ATOH8: variants seen among roughly 807,000 people sequenced by gnomAD.
ATOH8 encodes the protein transcription factor ATOH8.
In ATOH8, 9 loss-of-function variants were observed where a neutral mutation model predicts 21.2. The ratio of observed to expected loss-of-function variants is 0.42; its 90% CI spans 0.26 to 0.74. ATOH8 has a LOEUF of 0.74. Ranked by LOEUF, ATOH8 falls within the 30% of genes least tolerant of loss-of-function variation. The pLI, the probability that ATOH8 is intolerant of heterozygous loss-of-function variation, is 0.24. For synonymous variants in ATOH8, 253 were observed against 224.0 expected, an observed-to-expected ratio of 1.13 and a Z score of -1.16; for missense variants, 524 against 470.9, an observed-to-expected ratio of 1.11 and a Z score of -1.04.
At chr2:85,777,281 G>A (rs1680354916) in intron 2 of ATOH8, among the ~76,000 whole-genome samples, 2 of 152,138 alleles carry the variant, frequency 1.3e-5, no homozygotes, top group African/African-American at 2.4e-5. Context: ...CAGTTCTTAC[G>A]AGCTTGACTC....
Position 85,775,096 on chromosome 2 carries a change from A to G in ATOH8, c.960+10914A>G, listed in dbSNP as rs146589887. The G allele has an allele frequency of 6.0e-5, 57 of 942,936 alleles. No individual in the cohort carries two copies. The East Asian group carries it at 4.1e-3, about 67-fold the overall frequency. 58.4% of individuals were successfully genotyped at this position (942,936 alleles called of 1,614,324 possible). On this transcript the variant is annotated intron_variant, in intron 2 of 2. Coordinates refer to ENST00000306279, the MANE Select transcript of ATOH8 (RefSeq NM_032827.7). ...GATATATTAGATTTCATGTCATTAC[A>G]TTGTATTATATTATATTTTTAGGTG...
intron 2 of ATOH8, 51 bp downstream of exon 2, chr2:85,764,233 G>C: frequency 6.2e-7 from 1 of 1,602,276 alleles, no homozygotes; most frequent in Non-Finnish European, 8.5e-7. Flanking sequence ...AGGGGAGGCA[G>C]GGACAGGAAC....
At chr2:85,786,144 C>T (rs549699624) in intron 2 of ATOH8, among the ~76,000 whole-genome samples, 180 of 152,200 alleles carry the variant, frequency 1.2e-3, no homozygotes, top group Non-Finnish European at 2.0e-3. Flanking sequence ...CAGCAATTTT[C>T]GAACTGTGCT....
chr2:85,754,636 T>C lies in ATOH8; in HGVS notation c.447T>C (p.Gly149=). 6.6e-7 allele frequency: 1 copy of C among 1,510,472 alleles called. No individual in the cohort carries two copies. 93.6% of individuals were successfully genotyped at this position (1,510,472 alleles called of 1,614,324 possible). A position where few individuals can be genotyped will look rare whatever the true frequency, so the allele number is the denominator to read the frequency against. ...GPEAQPFREP[G]LRPRILLCAP... ...AGGCACAGCCTTTCCGGGAGCCGGG[T>C]CTGCGTCCTCGCATCTTGCTGTGCG... The change falls in exon 1 of 3, where the codon GGT becomes GGC. Residue 149 remains glycine, a synonymous_variant. Transcript: ENST00000306279.
intron 2 of ATOH8, among the ~76,000 whole-genome samples, chr2:85,767,483 C>T (rs555707344): frequency 3.3e-5 from 5 of 151,292 alleles, no homozygotes; most frequent in African/African-American, 4.9e-5. Context: ...TGTCTACCCC[C>T]GCTCAACAGG....
chr2:85,771,206 AAGTGCAG>A (rs751088231), intron 2 of ATOH8, among the ~76,000 whole-genome samples: 15 of 152,138 alleles, frequency 9.9e-5, no homozygotes, highest in Admixed American at 4.6e-4. Context: ...GAAGTAGGCA[AAGTGCAG>A]AGTTCTGGGG....
chr2:85,760,666 G>A (rs1269021628), intron 1 of ATOH8: 3 of 152,222 alleles, frequency 2.0e-5, no homozygotes, highest in African/African-American at 4.8e-5. Context: ...CTTAAAAGAT[G>A]AATACAGACA....
chr2:85,772,025 A>G (rs542896483), intron 2 of ATOH8, among the ~76,000 whole-genome samples: 2 of 152,384 alleles, frequency 1.3e-5, no homozygotes, highest in African/African-American at 4.8e-5. Context: ...TGCCCAGCAC[A>G]GTGGCCTGTG....
intron 1 of ATOH8, 116 bp downstream of exon 1, chr2:85,755,073 C>A: frequency 7.3e-7 from 1 of 1,363,290 alleles, no homozygotes; most frequent in South Asian, 1.5e-5. Flanking sequence ...CCCGCCCGGT[C>A]CGACCCTGGT....
Position 85,785,552 on chromosome 2 carries a change from C to T in ATOH8, c.961-1333C>T, listed in dbSNP as rs541520631. ...AGACTTGCGTCTTGGCTGGCTGCCC[C>T]GGCCCACGGGGCTCACCAGGGCCTG... On this transcript the variant is annotated intron_variant, in intron 2 of 2. Transcript: ENST00000306279. This position sits in a 1 kb window ranked among gnomAD's most constrained non-coding sequence, Gnocchi z 4.1. Among the ~76,000 whole-genome samples the T allele has an allele frequency of 6.6e-5, 10 of 152,262 alleles. No homozygotes were observed. The highest frequency in any genetic ancestry group is 1.2e-4 in the Non-Finnish European group (8 of 68,046).
intron 2 of ATOH8, among the ~76,000 whole-genome samples, chr2:85,770,067 G>A (rs1411189771): frequency 2.0e-5 from 3 of 152,208 alleles, no homozygotes; most frequent in Admixed American, 6.5e-5. Context: ...TGGGACCTCA[G>A]GGCGGTTTGC....
In ATOH8 at chr2:85,754,557, C is replaced by T. The variant is rs1417977454; in HGVS notation, c.368C>T (p.Thr123Met). ...ALGAVGPGLP[T>M]PPPPPPPAPQ... ...GGCGCAGTGGGGCCAGGACTCCCCACGCCGCCGCCGCCGCCGCCTCCTGCG... is the reference window on the plus strand; with the variant it reads ...GGCGCAGTGGGGCCAGGACTCCCCATGCCGCCGCCGCCGCCGCCTCCTGCG... Residue 123 changes from threonine (T) to methionine (M), a missense_variant, in exon 1 of 3, where the codon ACG becomes ATG. By Grantham distance (81) the Thr-to-Met change is moderately conservative (BLOSUM62 -1). Coordinates refer to ENST00000306279, the MANE Select transcript of ATOH8 (RefSeq NM_032827.7). 1.5e-5 allele frequency: 21 copies of T among 1,418,358 alleles called. No homozygotes were observed. Among genetic ancestry groups the T allele is most frequent in the Non-Finnish European group, 1.9e-5 (21 of 1,101,482 alleles). 87.9% of individuals were successfully genotyped at this position (1,418,358 alleles called of 1,614,324 possible).
Position 85,788,779 on chromosome 2 carries a change from C to T in ATOH8, c.*1889C>T, listed in dbSNP as rs1680691469. 6.6e-6 allele frequency among the ~76,000 whole-genome samples: 1 copy of T among 152,176 alleles called. No individual in the cohort carries two copies. The highest frequency in any genetic ancestry group is 2.4e-5 in the African/African-American group (1 of 41,438). ...GGGCTGGGGCTGGCTGCAGGGAGCC[C>T]CCCTTGCAGTAGCGTTTCTCAGGCT... is the stretch of plus-strand genomic sequence containing the variant. On this transcript the variant is annotated 3_prime_UTR_variant, in exon 3 of 3. Coordinates refer to ENST00000306279, the MANE Select transcript of ATOH8 (RefSeq NM_032827.7).
At chr2:85,786,767 C>A in intron 2 of ATOH8, 118 bp from the exon 3 acceptor site, 1 of 1,378,312 alleles carries the variant, frequency 7.3e-7, no homozygotes, top group South Asian at 1.2e-5. Flanking sequence ...CTTATCGAAC[C>A]CTTCAAGGTG....
At chr2:85,758,042 C>T (rs1223362220) in intron 1 of ATOH8, among the ~76,000 whole-genome samples, 1 of 152,180 alleles carries the variant, frequency 6.6e-6, no homozygotes, top group Non-Finnish European at 1.5e-5. Flanking sequence ...CCACCTCTGT[C>T]TCCCAAAGTG....
intron 2 of ATOH8, among the ~76,000 whole-genome samples, chr2:85,777,352 A>G (rs903438885): frequency 6.6e-6 from 1 of 152,228 alleles, no homozygotes; most frequent in South Asian, 2.1e-4. Flanking sequence ...GGGTTGGGGT[A>G]TCAGGCCATG....
intron 2 of ATOH8, among the ~76,000 whole-genome samples, chr2:85,781,597 C>A (rs1404113585): frequency 1.3e-5 from 2 of 151,326 alleles, no homozygotes; most frequent in African/African-American, 4.9e-5. Context: ...AGGAAACTGA[C>A]CAGGATGGTG....
chr2:85,764,203 C>A, intron 2 of ATOH8, 21 bp downstream of exon 2: 1 of 1,612,432 alleles, frequency 6.2e-7, no homozygotes. Context: ...GCTGGGTGGG[C>A]GGTAGCTTCT....
At chr2:85,782,456 A>T (rs543390927) in intron 2 of ATOH8, among the ~76,000 whole-genome samples, 9 of 150,350 alleles carry the variant, frequency 6.0e-5, no homozygotes, top group Admixed American at 4.6e-4. Flanking sequence ...AACAATTAGA[A>T]TTTTTTTTTT....
Sources: allele counts gnomAD v4.1 joint callset (sites outside exome capture counted in the v4.1 genomes callset), GRCh38; gene constraint gnomAD v4.1.1; non-coding constraint Gnocchi (gnomAD v3.1); transcripts MANE v1.5; gene names NCBI Gene and HGNC (gene_info 2026-07-23, HGNC 2026-07-21).